Variants in ARF1 observed in about 807,000 individuals in gnomAD.
ARF1 encodes ADP-ribosylation factor 1.
Under a neutral mutation model 18.0 loss-of-function variants are expected in ARF1, and 1 was observed. The observed-to-expected ratio is 0.06, with a 90% CI of 0.02 to 0.26. The LOEUF (loss-of-function observed/expected upper bound fraction) is 0.26, where lower values mean the gene tolerates loss of function less well. ARF1 is among the 10% of genes least tolerant of loss of function. The pLI is 1.00. For missense variants in ARF1, 73 were observed against 247.2 expected, an observed-to-expected ratio of 0.30 and a Z score of 4.73; for synonymous variants, 112 against 96.3, an observed-to-expected ratio of 1.16 and a Z score of -0.95.
Position 228,089,974 on chromosome 1 carries a change from CAGAT to C in ARF1, c.-37-7101_-37-7098del, listed in dbSNP as rs1162588248. On this transcript the variant is annotated intron_variant, in intron 1 of 4. Coordinates refer to ENST00000272102, the MANE Select transcript of ARF1 (RefSeq NM_001658.4). This position sits in a 1 kb window ranked among gnomAD's most constrained non-coding sequence, Gnocchi z 4.1. ...GAAAACCAGGGTAGCATTGTCACAT[CAGAT>C]AGCTCCGCTACGTGTGCGCTGACCA... is the stretch of plus-strand genomic sequence containing the variant. 6.6e-6 allele frequency among the ~76,000 whole-genome samples: 1 copy of C among 152,254 alleles called. No homozygotes were observed. Among genetic ancestry groups the C allele is most frequent in the Non-Finnish European group, 1.5e-5 (1 of 68,054 alleles).
At position 228,089,251 on chromosome 1, in the gene ARF1, A is replaced by G. The variant is rs1361030608; in HGVS notation, c.-38+6486A>G. 6.6e-6 allele frequency among the ~76,000 whole-genome samples: 1 copy of G among 152,170 alleles called. No homozygotes were observed. The highest frequency in any genetic ancestry group is 2.4e-5 in the African/African-American group (1 of 41,428). On this transcript the variant is annotated intron_variant, in intron 1 of 4. Coordinates refer to ENST00000272102, the MANE Select transcript of ARF1 (RefSeq NM_001658.4). This position sits in a 1 kb window ranked among gnomAD's most constrained non-coding sequence, Gnocchi z 4.1. ...AGATGCCAGCGTGTGTGTGAGAACTAGGTCACTTGAAGGGAGGTCCCCAGA... is the reference window on the plus strand; with the variant it reads ...AGATGCCAGCGTGTGTGTGAGAACTGGGTCACTTGAAGGGAGGTCCCCAGA...
intron 1 of ARF1, among the ~76,000 whole-genome samples, chr1:228,092,316 C>A (rs1387974790): frequency 6.6e-6 from 1 of 152,176 alleles, no homozygotes; most frequent in African/African-American, 2.4e-5. Flanking sequence ...GGCATGGTGG[C>A]TTGCCCTTGC....
chr1:228,084,776 A>C (rs545634637), intron 1 of ARF1, among the ~76,000 whole-genome samples: 1 of 152,322 alleles, frequency 6.6e-6, no homozygotes, highest in South Asian at 2.1e-4. Flanking sequence ...AAGAGAAAAA[A>C]ACTTGTGCAA....
In ARF1 at chr1:228,097,108, C is replaced by T; in HGVS notation, c.-7C>T. 1 of 1,593,082 alleles carries T rather than the reference C, an allele frequency of 6.3e-7. No individual in the cohort carries two copies. The highest frequency in any genetic ancestry group is 8.6e-7 in the Non-Finnish European group (1 of 1,169,262). ...CCTGGCCAGTGTCCTTCCACCTGTC[C>T]ACAAGCATGGGGAACATCTTCGCCA... On this transcript the variant is annotated 5_prime_UTR_variant, in exon 2 of 5. Transcript: ENST00000272102. This position sits in a 1 kb window ranked among gnomAD's most constrained non-coding sequence, Gnocchi z 8.1.
At chr1:228,083,810 G>C (rs1031664176) in intron 1 of ARF1, among the ~76,000 whole-genome samples, 6 of 152,232 alleles carry the variant, frequency 3.9e-5, no homozygotes, top group Admixed American at 3.3e-4. Flanking sequence ...GGCACCTCCT[G>C]GCACTCCCTT....
chr1:228,093,742 G>A (rs902854132), intron 1 of ARF1, among the ~76,000 whole-genome samples: 1 of 151,854 alleles, frequency 6.6e-6, no homozygotes, highest in African/African-American at 2.4e-5. Context: ...TGACCAACAT[G>A]GTGAAACCCC....
chr1:228,093,943 G>A, intron 1 of ARF1, among the ~76,000 whole-genome samples: 1 of 130,672 alleles, frequency 7.7e-6, no homozygotes, highest in East Asian at 2.4e-4. Context: ...ATGACAGAGT[G>A]AGACTCTGTC....
rs1344806962 is a variant in ARF1 at position 228,099,048 on chromosome 1, A to G, written c.*1035A>G. 1 of 152,644 alleles carries G rather than the reference A, an allele frequency of 6.6e-6. No homozygotes were observed. Among genetic ancestry groups the G allele is most frequent in the Non-Finnish European group, 1.5e-5 (1 of 68,026 alleles). The allele number at this position is 152,644 out of a possible 1,614,324, so 9.5% of individuals were successfully genotyped here. On this transcript the variant is annotated 3_prime_UTR_variant, in exon 5 of 5. Coordinates refer to ENST00000272102, the MANE Select transcript of ARF1 (RefSeq NM_001658.4). Reference sequence around the variant, plus strand: ...CACTGAAGCTGGAGCTGTTAAATTTATCTTGGGGAAACCTCAGAACTGGTC... The same window carrying G: ...CACTGAAGCTGGAGCTGTTAAATTTGTCTTGGGGAAACCTCAGAACTGGTC...
Position 228,096,659 on chromosome 1 carries a change from G to T in ARF1, c.-37-419G>T, listed in dbSNP as rs562030249. ...CTGAAGGTGTCCTGCTGAGTCTGGC[G>T]TGGCCCTGTGTGCTCTGGTCCTTGT... On this transcript the variant is annotated intron_variant, in intron 1 of 4. Coordinates refer to ENST00000272102, the MANE Select transcript of ARF1 (RefSeq NM_001658.4). 7.2e-5 allele frequency among the ~76,000 whole-genome samples: 11 copies of T among 152,342 alleles called. No individual in the cohort carries two copies. The East Asian group carries it at 2.1e-3, about 29-fold the overall frequency.
chr1:228,090,276 C>T (rs2124847864), intron 1 of ARF1, among the ~76,000 whole-genome samples: 1 of 152,236 alleles, frequency 6.6e-6, no homozygotes, highest in East Asian at 1.9e-4. Context: ...TTGGACTGGG[C>T]CATGATCCAG....
chr1:228,096,834 A>G (rs1264972445), intron 1 of ARF1, among the ~76,000 whole-genome samples: 1 of 152,218 alleles, frequency 6.6e-6, no homozygotes, highest in African/African-American at 2.4e-5. Flanking sequence ...CTTTCTGGCC[A>G]TGCAGCTGTG....
At chr1:228,084,422 G>A (rs2032330680) in intron 1 of ARF1, among the ~76,000 whole-genome samples, 1 of 152,218 alleles carries the variant, frequency 6.6e-6, no homozygotes. Flanking sequence ...TGCAGCAGTA[G>A]GAATATGCTG....
chr1:228,085,589 C>G (rs1053431305), intron 1 of ARF1, among the ~76,000 whole-genome samples: 2 of 152,172 alleles, frequency 1.3e-5, no homozygotes, highest in African/African-American at 4.8e-5. Context: ...GGCTTGCAGC[C>G]GGTTGTCAGC....
chr1:228,084,239 CGTACTATTAGCTGGGTCCAAAAT>C (rs2032319801), intron 1 of ARF1, among the ~76,000 whole-genome samples: 1 of 152,164 alleles, frequency 6.6e-6, no homozygotes, highest in Admixed American at 6.5e-5. Context: ...CCTGAAATGC[CGTACTATTAGCTGGGTCCAAAAT>C]TGAGAAGAAT....
In ARF1 at chr1:228,089,680, T is replaced by C. The variant is rs531003299; in HGVS notation, c.-38+6915T>C. Among the ~76,000 whole-genome samples the C allele has an allele frequency of 2.0e-5, 3 of 152,260 alleles. No individual in the cohort carries two copies. The East Asian group carries it at 5.8e-4, about 29-fold the overall frequency. On this transcript the variant is annotated intron_variant, in intron 1 of 4. Coordinates refer to ENST00000272102, the MANE Select transcript of ARF1 (RefSeq NM_001658.4). The surrounding 1 kb of genome is among the most constrained non-coding windows in gnomAD (Gnocchi z 4.1). The stretch of plus-strand genomic sequence containing the variant: ...AAGGGCCCCACCCCCTTCTAGTGGT[T>C]GGAGGAAGGAGCAACTTGCTCTCCC...
At chr1:228,094,256 C>T (rs2032664271) in intron 1 of ARF1, among the ~76,000 whole-genome samples, 1 of 152,188 alleles carries the variant, frequency 6.6e-6, no homozygotes. Flanking sequence ...ACCCTTATTC[C>T]TGAGTCCCTG....
chr1:228,086,906 A>T (rs2032420777), intron 1 of ARF1, among the ~76,000 whole-genome samples: 1 of 152,286 alleles, frequency 6.6e-6, no homozygotes, highest in Non-Finnish European at 1.5e-5. Context: ...GTCAGAATTG[A>T]ACTGAATTAA....
chr1:228,085,031 A>G (rs1436444894), intron 1 of ARF1, among the ~76,000 whole-genome samples: 1 of 151,834 alleles, frequency 6.6e-6, no homozygotes, highest in Admixed American at 6.6e-5. Flanking sequence ...TTGACCTTTC[A>G]CCTCCGTAAA....
chr1:228,094,136 C>T (rs1276725631), intron 1 of ARF1, among the ~76,000 whole-genome samples: 3 of 151,958 alleles, frequency 2.0e-5, no homozygotes, highest in South Asian at 4.1e-4. Context: ...GGGTTGGTGA[C>T]GGTGTGACAC....
Sources: gnomAD v4.1 joint callset for allele counts (sites outside exome capture counted in the v4.1 genomes callset) on GRCh38, gnomAD v4.1.1 for gene constraint, Gnocchi (gnomAD v3.1) non-coding constraint, MANE v1.5 for transcripts, NCBI Gene and HGNC (gene_info 2026-07-23, HGNC 2026-07-21) for gene names.